The following HELZ2 variants were observed in gnomAD, a reference collection of about 807,000 sequenced individuals.
HELZ2 encodes the protein 3'-5' exoribonuclease HELZ2.
Under a neutral mutation model 208.8 loss-of-function variants are expected in HELZ2, and 143 were observed. The ratio of observed to expected loss-of-function variants is 0.68; its 90% CI spans 0.60 to 0.79. The LOEUF is 0.79. Ranked by LOEUF, HELZ2 falls within the 30% of genes least tolerant of loss-of-function variation. HELZ2 has a pLI of 0.00. For missense variants in HELZ2, 3,690 were observed against 3,794.5 expected (o/e 0.97, Z 0.72); for synonymous variants, 1,705 against 1,693.7 (o/e 1.01, Z -0.16).
exon 12 of HELZ2, chr20:63,561,682 C>T (rs764112600): frequency 6.2e-7 from 1 of 1,612,464 alleles, no homozygotes; most frequent in South Asian, 1.1e-5. Context: ...TGGGAACTCG[C>T]TGGCCTCAGC....
At chr20:63,570,831 C>A in exon 2 of HELZ2, 1 of 1,607,056 alleles carries the variant, frequency 6.2e-7, no homozygotes, top group Non-Finnish European at 8.5e-7. Flanking sequence ...GCTGAGTGTG[C>A]CTTGGTGCAG....
At chr20:63,569,120 C>T in intron 4 of HELZ2, 28 bp downstream of exon 5, 1 of 1,574,512 alleles carries the variant, frequency 6.4e-7, no homozygotes, top group Non-Finnish European at 8.6e-7. Context: ...TCCTGCTACC[C>T]CAGCTGCTCC....
At chr20:63,566,946 A>G (rs1230845485) in exon 6 of HELZ2, 16 of 1,610,954 alleles carry the variant, frequency 9.9e-6, no homozygotes, top group Non-Finnish European at 1.4e-5. Flanking sequence ...CGACCTGCGC[A>G]ATCTCAGCCA....
chr20:63,572,066 G>A (rs755379926), intron 1 of HELZ2, 42 bp downstream of exon 2: 1 of 1,552,946 alleles, frequency 6.4e-7, no homozygotes, highest in South Asian at 1.2e-5. Context: ...GCCTATGGTG[G>A]GCTCCTGCCC....
chr20:63,561,952 C>A, exon 11 of HELZ2: 1 of 1,600,014 alleles, frequency 6.2e-7, no homozygotes, highest in Non-Finnish European at 8.5e-7. Context: ...AACCAGAATA[C>A]GATGTGGAGG....
chr20:63,572,202 A>T, exon 1 of HELZ2: 1 of 1,606,636 alleles, frequency 6.2e-7, no homozygotes, highest in African/African-American at 1.3e-5. Context: ...GCGTGCTCCG[A>T]GGATGCGCAG....
At chr20:63,560,214 C>T in exon 17 of HELZ2, 2 of 1,557,600 alleles carry the variant, frequency 1.3e-6, no homozygotes, top group South Asian at 2.3e-5. Context: ...CGGCGATGCC[C>T]TCTCGCCGAA....
intron 2 of HELZ2, 33 bp downstream of exon 3, chr20:63,570,652 A>ACCCCCCCC: frequency 1.1e-6 from 1 of 898,464 alleles, no homozygotes; most frequent in Non-Finnish European, 1.5e-6. Context: ...CCTGGACCCC[A>ACCCCCCCC]CCCCACCCCA....
chr20:63,563,425 G>A (rs1289882988), exon 8 of HELZ2: 1 of 1,532,138 alleles, frequency 6.5e-7, no homozygotes, highest in Admixed American at 2.0e-5. Context: ...GCGCTGAGTA[G>A]ACACGGCGCC....
intron 3 of HELZ2, chr20:63,569,996 T>C (rs1393501517): frequency 1.1e-5 from 5 of 470,234 alleles, no homozygotes; most frequent in Non-Finnish European, 1.2e-5. Flanking sequence ...GTCGCCAGGC[T>C]GGAGTGCAAT....
rs1414914264 is a variant in HELZ2, at chr20:63,565,266, G to A, written c.3556C>T (p.Arg1186Trp). The change falls in exon 8 of 19, where the codon CGG becomes TGG. Residue 1186 changes from arginine (R) to tryptophan (W), a missense_variant. Transcript: ENST00000467148. The stretch of plus-strand genomic sequence containing the variant: ...ACGCCCAGCACGCGGCCCCGAAGCC[G>A]CCCCTCGGGCGCCTTGTCTCCCGAA... The A allele has an allele frequency of 1.2e-5, 19 of 1,604,900 alleles. 1 individual carries two copies. Among genetic ancestry groups the A allele is most frequent in the Admixed American group, 3.4e-5 (2 of 59,018 alleles).
chr20:63,564,289 G>A (rs138414376), exon 8 of HELZ2: 77 of 1,608,380 alleles, frequency 4.8e-5, no homozygotes, highest in East Asian at 6.7e-5. Flanking sequence ...TGCCGTCCTC[G>A]TCCGGCTGCT....
At chr20:63,563,005 A>G in exon 8 of HELZ2, 1 of 1,601,184 alleles carries the variant, frequency 6.2e-7, no homozygotes, top group South Asian at 1.1e-5. Context: ...AGGCGTACTC[A>G]TCCACGTCGC....
At position 63,572,415 on chromosome 20, in the gene HELZ2, G is replaced by A. The variant is rs147359927; in HGVS notation, c.-30C>T. ...ACGGCGCTGTGTGCAAACTGGCAGC[G>A]GGACTCCCCACGCCAGCACGGCTGC... On this transcript the variant is annotated 5_prime_UTR_variant, in exon 1 of 19. Transcript: ENST00000467148. The A allele has an allele frequency of 3.0e-3, 4,437 of 1,475,310 alleles. 24 individuals are homozygous for A. Among genetic ancestry groups the A allele is most frequent in the Non-Finnish European group, 2.9e-3 (3,201 of 1,114,656 alleles). The allele number at this position is 1,475,310 out of a possible 1,614,324, so 91.4% of individuals were successfully genotyped here. A position where few individuals can be genotyped will look rare whatever the true frequency, so the allele number is the denominator to read the frequency against.
rs557550984 is a variant in HELZ2 at position 63,570,894 on chromosome 20, C to T, written c.279-26G>A. 2.6e-6 allele frequency: 4 copies of T among 1,550,974 alleles called. No individual in the cohort carries two copies. The African/African-American group carries it at 4.1e-5, about 16-fold the overall frequency. The stretch of plus-strand genomic sequence containing the variant: ...CTGGGGGACAGGGAGGTCAGCAGGG[C>T]TACACAGAGGCACAGCCGCCGTGCT... On this transcript the variant is annotated intron_variant, in intron 1 of 18. Coordinates refer to ENST00000467148, the Ensembl canonical transcript of HELZ2.
chr20:63,566,490 G>A (rs770866502), intron 6 of HELZ2, 37 bp from the exon 8 acceptor site: 6 of 1,487,480 alleles, frequency 4.0e-6, no homozygotes, highest in Non-Finnish European at 5.4e-6. Context: ...AGTGCTGGAC[G>A]CAGTGAGGAC....
At chr20:63,559,659 AGGAGTCAGGGTCAGGTC>A (rs1356002048) in intron 18 of HELZ2, among the ~76,000 whole-genome samples, 2 of 89,062 alleles carry the variant, frequency 2.2e-5, no homozygotes, top group African/African-American at 7.8e-5. Flanking sequence ...GTCAGGTGGG[AGGAGTCAGGGTCAGGTC>A]GGAGTCAGGG....
upstream of HELZ2, chr20:63,572,486 G>C: frequency 7.8e-7 from 1 of 1,279,510 alleles, no homozygotes; most frequent in South Asian, 1.6e-5. Flanking sequence ...GCCGGCCCGG[G>C]GCCGCGGCCT....
chr20:63,571,989 G>A, intron 1 of HELZ2, 119 bp downstream of exon 2: 1 of 1,220,082 alleles, frequency 8.2e-7, no homozygotes, highest in Non-Finnish European at 1.1e-6. Context: ...CCAAGCTCCT[G>A]GGAGCCTCTG....
Sources: allele counts gnomAD v4.1 joint callset (sites outside exome capture counted in the v4.1 genomes callset), GRCh38; gene constraint gnomAD v4.1.1; transcripts MANE v1.5; gene names NCBI Gene and HGNC (gene_info 2026-07-23, HGNC 2026-07-21).